The following YLPM1 variants were observed in gnomAD, a reference collection of about 807,000 sequenced individuals.
YLPM1 encodes the protein YLP motif containing 1, also known as YLP motif-containing protein 1.
In YLPM1, 99 loss-of-function variants were observed where a neutral mutation model predicts 230.0. The ratio of observed to expected loss-of-function variants is 0.43; its 90% CI spans 0.37 to 0.51. The LOEUF (loss-of-function observed/expected upper bound fraction) is 0.51, where lower values mean the gene tolerates loss of function less well. Ranked by LOEUF, YLPM1 falls within the 20% of genes least tolerant of loss-of-function variation. The pLI is 0.00. For synonymous variants in YLPM1, 984 were observed against 942.5 expected (o/e 1.04, Z -0.81); for missense variants, 2,592 against 2,707.7 (o/e 0.96, Z 0.95).
rs541114429 is a variant in YLPM1 at position 74,809,273 on chromosome 14, A to C, written c.4522-107A>C. ...AAGCACGAAATTTTGAATGAGTCCAAGGTGTTAACTTTTTTCTTATAAATT... is the reference window on the plus strand; with the variant it reads ...AAGCACGAAATTTTGAATGAGTCCACGGTGTTAACTTTTTTCTTATAAATT... On this transcript the variant is annotated intron_variant, in intron 6 of 20. Coordinates refer to ENST00000325680, the MANE Select transcript of YLPM1 (RefSeq NM_019589.3). The C allele has an allele frequency of 1.2e-4, 169 of 1,438,640 alleles. 1 individual carries two copies. The highest frequency in any genetic ancestry group is 1.1e-3 in the South Asian group (75 of 68,066). The allele number at this position is 1,438,640 out of a possible 1,614,324, so 89.1% of individuals were successfully genotyped here. A position where few individuals can be genotyped will look rare whatever the true frequency, so the allele number is the denominator to read the frequency against.
chr14:74,769,482 T>C (rs1423858835), intron 1 of YLPM1, among the ~76,000 whole-genome samples: 3 of 151,860 alleles, frequency 2.0e-5, no homozygotes, highest in Admixed American at 2.0e-4. Flanking sequence ...AGACGAGGTT[T>C]CACCATGTTG....
intron 6 of YLPM1, among the ~76,000 whole-genome samples, chr14:74,804,150 C>T (rs149402430): frequency 1.5e-3 from 221 of 152,276 alleles, no homozygotes; most frequent in South Asian, 3.5e-3. Context: ...GGCGAAACTC[C>T]ATCTCAAAAT....
At chr14:74,806,515 C>T (rs562948181) in intron 6 of YLPM1, among the ~76,000 whole-genome samples, 10 of 152,142 alleles carry the variant, frequency 6.6e-5, no homozygotes, top group Admixed American at 5.2e-4. Context: ...TTGCTTGAAC[C>T]TGAGAGGTAG....
intron 4 of YLPM1, among the ~76,000 whole-genome samples, 184 bp downstream of exon 4, chr14:74,782,509 G>A (rs995161119): frequency 3.9e-5 from 6 of 152,016 alleles, no homozygotes; most frequent in Admixed American, 1.3e-4. Context: ...CCATTTCTTT[G>A]ATGTCTCTGC....
At chr14:74,776,244 A>G (rs1370203816) in intron 1 of YLPM1, among the ~76,000 whole-genome samples, 1 of 152,218 alleles carries the variant, frequency 6.6e-6, no homozygotes. Context: ...ACACTGAATT[A>G]GTGAATACTG....
intron 9 of YLPM1, among the ~76,000 whole-genome samples, chr14:74,811,203 C>T (rs780565205): frequency 6.6e-5 from 10 of 151,742 alleles, no homozygotes; most frequent in South Asian, 2.1e-4. Context: ...AAATATTGGC[C>T]GGGCGTAGTG....
Position 74,798,746 on chromosome 14 carries a change from C to T in YLPM1, c.3449C>T (p.Pro1150Leu). 1 of 1,613,236 alleles carries T rather than the reference C, an allele frequency of 6.2e-7. No homozygotes were observed. The highest frequency in any genetic ancestry group is 1.3e-5 in the African/African-American group (1 of 74,966). The change falls in exon 5 of 21, where the codon CCT becomes CTT. Residue 1150 changes from proline (P) to leucine (L), a missense_variant. By Grantham distance (98) the Pro-to-Leu change is moderately conservative. This residue lies in a region of YLPM1 where 1,862 missense variants were observed against 1,819.8 expected (regional missense o/e 1.02). Coordinates refer to ENST00000325680, the MANE Select transcript of YLPM1 (RefSeq NM_019589.3). ...AGGGAGAGAGGACCACCTCGAGGGC[C>T]TGGCAGTCGAGAAAGGGGACTGGGA... is the stretch of plus-strand genomic sequence containing the variant. ...GSRERGPPRG[P>L]GSRERGLGRS... is the part of the protein sequence containing the mutation.
Position 74,781,893 on chromosome 14 carries a change from C to CAT in YLPM1, c.1850_1851insAT (p.Val618LeufsTer30). 1 of 1,613,846 alleles carries CAT rather than the reference C, an allele frequency of 6.2e-7. No individual in the cohort carries two copies. The highest frequency in any genetic ancestry group is 8.5e-7 in the Non-Finnish European group (1 of 1,179,844). ...TCTCTCTCTTCAACAGCACCTCCACCTGTCATGCCCCTCCCACCATTGTCT... is the reference window on the plus strand; with the variant it reads ...TCTCTCTCTTCAACAGCACCTCCACCATTGTCATGCCCCTCCCACCATTGTCT... On this transcript the variant is annotated frameshift_variant, in exon 4 of 21. Transcript: ENST00000325680. LOFTEE classifies it high-confidence loss of function.
At position 74,837,156 on chromosome 14, in the gene YLPM1, A is replaced by G. The variant is rs1209198045; in HGVS notation, c.*1418A>G. ...ACTTTGGGTTCAACAAATTGATATT[A>G]TAGTACTGAATACCCCTAATTTAAT... On this transcript the variant is annotated 3_prime_UTR_variant, in exon 21 of 21. Transcript: ENST00000325680. 1 of 152,234 alleles carries G rather than the reference A, an allele frequency of 6.6e-6. No homozygotes were observed. Among genetic ancestry groups the G allele is most frequent in the East Asian group, 1.9e-4 (1 of 5,202 alleles). The allele number at this position is 152,234 out of a possible 1,614,324, so 9.4% of individuals were successfully genotyped here. A position where few individuals can be genotyped will look rare whatever the true frequency, so the allele number is the denominator to read the frequency against.
chr14:74,816,212 A>G lies in YLPM1; in HGVS notation c.5512A>G (p.Ile1838Val), dbSNP rs1286887496. 2.2e-5 allele frequency: 36 copies of G among 1,602,848 alleles called. No individual in the cohort carries two copies. The highest frequency in any genetic ancestry group is 3.1e-5 in the Non-Finnish European group (36 of 1,175,994). Residue 1838 changes from isoleucine (I) to valine (V), a missense_variant, in exon 12 of 21, where the codon ATA (isoleucine) becomes GTA (valine). By Grantham distance (29) the Ile-to-Val change is conservative. Coordinates refer to ENST00000325680, the MANE Select transcript of YLPM1 (RefSeq NM_019589.3). ...GTCTATTCTGTTTCAGATTGTTGTT[A>G]TAATGAGAGGATTACCTGGCAGTGG... ...RESRPERIVV[I>V]MRGLPGSGKT...
At chr14:74,810,514 C>G in intron 9 of YLPM1, 94 bp downstream of exon 9, 2 of 1,297,366 alleles carry the variant, frequency 1.5e-6, no homozygotes, top group Non-Finnish European at 2.1e-6. Context: ...ATATTCTTCT[C>G]ATGCATGTGT....
intron 1 of YLPM1, among the ~76,000 whole-genome samples, chr14:74,774,410 A>AT (rs1460416525): frequency 3.4e-5 from 5 of 147,388 alleles, no homozygotes; most frequent in Non-Finnish European, 7.5e-5. Context: ...ATTTTTTTGT[A>AT]TTTTTTTTGT....
At chr14:74,802,783 A>G (rs2091340987) in intron 6 of YLPM1, 107 bp downstream of exon 6, 1 of 1,375,348 alleles carries the variant, frequency 7.3e-7, no homozygotes, top group South Asian at 1.7e-5. Flanking sequence ...TCCTCTATAA[A>G]ATGTAAATTT....
At position 74,829,290 on chromosome 14, in the gene YLPM1, C is replaced by A; in HGVS notation, c.6241C>A (p.Leu2081Ile). The A allele has an allele frequency of 2.5e-6, 4 of 1,613,278 alleles. No individual in the cohort carries two copies. The highest frequency in any genetic ancestry group is 3.4e-6 in the Non-Finnish European group (4 of 1,179,410). The change falls in exon 19 of 21, where the codon CTT becomes ATT. Residue 2081 changes from leucine to isoleucine, a missense_variant. By Grantham distance (5) the Leu-to-Ile change is conservative (BLOSUM62 2). Coordinates refer to ENST00000325680, the MANE Select transcript of YLPM1 (RefSeq NM_019589.3). The stretch of plus-strand genomic sequence containing the variant: ...CATTGCCAGCAGAATGGAGGATTAT[C>A]TTCAGCTCCCCGATGATTATGATAC... Reference protein sequence around the residue: ...EAIASRMEDYLQLPDDYDTRA... With the variant: ...EAIASRMEDYIQLPDDYDTRA...
At position 74,798,525 on chromosome 14, in the gene YLPM1, A is replaced by C. The variant is rs771576361; in HGVS notation, c.3228A>C (p.Glu1076Asp). ...GTCGAGAGAAGATGAACAGAGGAGAAGGTAGCCGGGACAGAGGGTTGGTGA... is the reference window on the plus strand; with the variant it reads ...GTCGAGAGAAGATGAACAGAGGAGACGGTAGCCGGGACAGAGGGTTGGTGA... ...EDSREKMNRG[E>D]GSRDRGLVRP... Residue 1076 changes from glutamate to aspartate, a missense_variant, in exon 5 of 21, where the codon GAA becomes GAC. Glu to Asp is a conservative substitution (Grantham distance 45). Around this residue, in one of 4 missense-constraint regions of YLPM1, gnomAD observed 1,862 missense variants for 1,819.8 expected, o/e 1.02. Transcript: ENST00000325680. The C allele has an allele frequency of 3.1e-6, 5 of 1,613,942 alleles. No homozygotes were observed. In the East Asian group the frequency reaches 1.1e-4, roughly 36 times the overall value.
At position 74,764,045 on chromosome 14, in the gene YLPM1, C is replaced by T; in HGVS notation, c.556C>T (p.Pro186Ser). 1.2e-6 allele frequency: 2 copies of T among 1,612,652 alleles called. No individual in the cohort carries two copies. Among genetic ancestry groups the T allele is most frequent in the Non-Finnish European group, 1.7e-6 (2 of 1,179,554 alleles). The change falls in exon 1 of 21, where the codon CCT becomes TCT. Residue 186 changes from proline to serine, a missense_variant. Pro to Ser is a moderately conservative substitution (Grantham distance 74). Transcript: ENST00000325680. Reference sequence around the variant, plus strand: ...GACCTCATCTCAGCCCTACCTGCCTCCTGCTCAGCCGTCCCCTTCGCAGTC... The same window carrying T: ...GACCTCATCTCAGCCCTACCTGCCTTCTGCTCAGCCGTCCCCTTCGCAGTC... ...PPTSSQPYLP[P>S]AQPSPSQSPP...
At position 74,809,532 on chromosome 14, in the gene YLPM1, T is replaced by G. The variant is rs939384672; in HGVS notation, c.4674T>G (p.Pro1558=). ...CACCTCCTCCACCTCTACCTCCTCC[T>G]CCTCCAGTGATAAAGCCACAAACTT... ...PPPPPPPLPP[P]PPVIKPQTSA... Residue 1558 remains proline, a synonymous_variant, in exon 7 of 21, where the codon CCT becomes CCG. Coordinates refer to ENST00000325680, the MANE Select transcript of YLPM1 (RefSeq NM_019589.3). 6.3e-7 allele frequency: 1 copy of G among 1,592,886 alleles called. No homozygotes were observed. The highest frequency in any genetic ancestry group is 8.6e-7 in the Non-Finnish European group (1 of 1,169,144).
chr14:74,810,785 AG>A (rs1594835781), intron 9 of YLPM1, among the ~76,000 whole-genome samples: 1 of 152,048 alleles, frequency 6.6e-6, no homozygotes, highest in Non-Finnish European at 1.5e-5. Flanking sequence ...GAAAAGGGAA[AG>A]GGGGGCAAGC....
chr14:74,801,040 A>C (rs867198771), intron 5 of YLPM1, among the ~76,000 whole-genome samples: 3 of 152,220 alleles, frequency 2.0e-5, no homozygotes, highest in Non-Finnish European at 2.9e-5. Flanking sequence ...ATTTATGGAG[A>C]ATACCAAGCT....
Sources: allele counts gnomAD v4.1 joint callset (sites outside exome capture counted in the v4.1 genomes callset), GRCh38; gene constraint gnomAD v4.1.1; regional missense constraint gnomAD v4.1.1; transcripts MANE v1.5; gene names NCBI Gene and HGNC (gene_info 2026-07-23, HGNC 2026-07-21).